STX8: variants seen among roughly 807,000 people sequenced by gnomAD.
STX8 encodes the protein syntaxin-8.
Under a neutral mutation model 37.5 loss-of-function variants are expected in STX8, and 23 were observed. The ratio of observed to expected loss-of-function variants is 0.61; its 90% CI spans 0.44 to 0.87. The LOEUF (loss-of-function observed/expected upper bound fraction) is 0.87. STX8 is among the 40% of genes least tolerant of loss of function. STX8 has a pLI of 0.00. For missense variants in STX8, 313 were observed against 284.7 expected (o/e 1.10, Z -0.71); for synonymous variants, 115 against 99.1 (o/e 1.16, Z -0.95).
chr17:9,382,632 C>G (rs773378847), intron 6 of STX8, among the ~76,000 whole-genome samples: 2 of 152,054 alleles, frequency 1.3e-5, no homozygotes, highest in Non-Finnish European at 2.9e-5. Context: ...CTATGAAACT[C>G]ACTATAAAGC....
chr17:9,289,467 T>C (rs558003119), intron 7 of STX8, among the ~76,000 whole-genome samples: 1 of 151,374 alleles, frequency 6.6e-6, no homozygotes, highest in African/African-American at 2.4e-5. Context: ...CCAAGGAAAA[T>C]ATAAAAAAGA....
intron 2 of STX8, among the ~76,000 whole-genome samples, chr17:9,565,810 C>T (rs1907437866): frequency 1.3e-5 from 2 of 152,046 alleles, no homozygotes; most frequent in African/African-American, 4.8e-5. Context: ...AAATTAACTT[C>T]AGATGGATTA....
intron 3 of STX8, among the ~76,000 whole-genome samples, chr17:9,549,949 C>G (rs533218972): frequency 6.6e-6 from 1 of 152,176 alleles, no homozygotes; most frequent in African/African-American, 2.4e-5. Context: ...ACAGGCCAAG[C>G]GCGGTGGCTC....
intron 7 of STX8, among the ~76,000 whole-genome samples, chr17:9,309,421 A>G (rs867456664): frequency 2.4e-4 from 36 of 152,150 alleles, no homozygotes; most frequent in African/African-American, 7.7e-4. Flanking sequence ...TATCATGCAA[A>G]CAACCTGGGA....
chr17:9,518,894 C>T lies in STX8; in HGVS notation c.324-13732G>A, dbSNP rs557150541. 2.6e-5 allele frequency among the ~76,000 whole-genome samples: 4 copies of T among 151,042 alleles called. No homozygotes were observed. The South Asian group carries it at 6.2e-4, about 24-fold the overall frequency. On this transcript the variant is annotated intron_variant, in intron 4 of 7. Coordinates refer to ENST00000306357, the MANE Select transcript of STX8 (RefSeq NM_004853.3). ...AAAAAAAAAAAAAAAAGAATAAATG[C>T]TAGCAATGCTTAAAGACATTCATTC...
intron 2 of STX8, among the ~76,000 whole-genome samples, chr17:9,558,655 C>T (rs1164861775): frequency 1.3e-5 from 2 of 152,142 alleles, no homozygotes; most frequent in African/African-American, 4.8e-5. Flanking sequence ...AACCCCGTCT[C>T]TACTAAAAAT....
At chr17:9,500,389 C>G (rs181175825) in intron 5 of STX8, among the ~76,000 whole-genome samples, 1 of 152,098 alleles carries the variant, frequency 6.6e-6, no homozygotes, top group East Asian at 1.9e-4. Flanking sequence ...AAGACTGCCC[C>G]GGATTACTAC....
At position 9,405,760 on chromosome 17, in the gene STX8, C is replaced by A. The variant is rs144624396; in HGVS notation, c.542-27107G>T. ...TCCTTGATAATTTTCTTAATGACAT[C>A]TTGGAACTTGTCTGCTGCCTCTTGG... On this transcript the variant is annotated intron_variant, in intron 6 of 7. Coordinates refer to ENST00000306357, the MANE Select transcript of STX8 (RefSeq NM_004853.3). 5.9e-5 allele frequency among the ~76,000 whole-genome samples: 9 copies of A among 152,298 alleles called. No homozygotes were observed. In the East Asian group the frequency reaches 1.4e-3, roughly 23 times the overall value.
intron 4 of STX8, among the ~76,000 whole-genome samples, chr17:9,531,165 C>T (rs1484758325): frequency 6.6e-6 from 1 of 152,220 alleles, no homozygotes; most frequent in Non-Finnish European, 1.5e-5. Context: ...TGTGCTAACA[C>T]CACACTACAG....
chr17:9,554,583 C>T (rs1202149554), intron 3 of STX8: 2 of 152,120 alleles, frequency 1.3e-5, no homozygotes, highest in African/African-American at 4.8e-5. Flanking sequence ...TCATAATATA[C>T]AAGCTACCTC....
chr17:9,451,614 A>G (rs1268760864), intron 6 of STX8, among the ~76,000 whole-genome samples: 1 of 152,180 alleles, frequency 6.6e-6, no homozygotes, highest in Non-Finnish European at 1.5e-5. Context: ...TTATTTTTAT[A>G]ACTTTATAAA....
At chr17:9,373,694 C>T (rs193160696) in intron 7 of STX8, among the ~76,000 whole-genome samples, 42 of 152,104 alleles carry the variant, frequency 2.8e-4, no homozygotes, top group Non-Finnish European at 5.0e-4. Context: ...AATCCAAGCA[C>T]TTTGGAAGGC....
At chr17:9,485,527 G>C (rs1295100677) in intron 6 of STX8, among the ~76,000 whole-genome samples, 2 of 151,866 alleles carry the variant, frequency 1.3e-5, no homozygotes, top group African/African-American at 4.8e-5. Flanking sequence ...GTATCACAGA[G>C]GAAAAACTAG....
At position 9,378,581 on chromosome 17, in the gene STX8, T is replaced by C; in HGVS notation, c.614A>G (p.Asn205Ser). 6.2e-7 allele frequency: 1 copy of C among 1,613,824 alleles called. No homozygotes were observed. Among genetic ancestry groups the C allele is most frequent in the Non-Finnish European group, 8.5e-7 (1 of 1,179,796 alleles). The change falls in exon 7 of 8, where the codon AAC (asparagine) becomes AGC (serine). Residue 205 changes from asparagine (N) to serine (S), a missense_variant. By Grantham distance (46) the Asn-to-Ser change is conservative. Transcript: ENST00000306357. ...EKLRNETRRV[N>S]MVDRKSASCG... ...AGAGGCTGACTTTCTGTCCACCATG[T>C]TTACCCGCCTGGTTTCATTGCGAAG...
intron 6 of STX8, among the ~76,000 whole-genome samples, chr17:9,404,592 T>C (rs1912742779): frequency 6.6e-6 from 1 of 152,078 alleles, no homozygotes; most frequent in South Asian, 2.1e-4. Flanking sequence ...GTGGCTGGGA[T>C]TACAGGCACA....
chr17:9,456,780 C>T (rs75448794), intron 6 of STX8, among the ~76,000 whole-genome samples: 3,628 of 152,118 alleles, frequency 0.024, 140 homozygotes, highest in African/African-American at 0.081. Context: ...TCCATCTTTC[C>T]AAACATCTTT....
At chr17:9,255,814 C>T (rs1346772557) in intron 7 of STX8, among the ~76,000 whole-genome samples, 4 of 152,152 alleles carry the variant, frequency 2.6e-5, no homozygotes, top group Non-Finnish European at 4.4e-5. Flanking sequence ...CAGGTGACAG[C>T]GATAAGCAAA....
At chr17:9,350,336 T>C (rs1000820819) in intron 7 of STX8, among the ~76,000 whole-genome samples, 3 of 152,236 alleles carry the variant, frequency 2.0e-5, no homozygotes, top group African/African-American at 7.2e-5. Flanking sequence ...TTCCATTTAA[T>C]ATTTTAGGAT....
intron 7 of STX8, among the ~76,000 whole-genome samples, chr17:9,334,715 GCT>G (rs1193445482): frequency 6.6e-6 from 1 of 152,128 alleles, no homozygotes; most frequent in African/African-American, 2.4e-5. Flanking sequence ...AATTTATTTG[GCT>G]CATGGTTCTG....
Sources: allele counts gnomAD v4.1 joint callset (sites outside exome capture counted in the v4.1 genomes callset), GRCh38; gene constraint gnomAD v4.1.1; transcripts MANE v1.5; gene names NCBI Gene and HGNC (gene_info 2026-07-23, HGNC 2026-07-21).